Variants in NPC1 observed in about 807,000 individuals in gnomAD.
The protein encoded by NPC1 is Niemann-Pick C1 protein.
NPC1 carries 85 observed loss-of-function variants against 140.4 expected under a neutral mutation model. The observed-to-expected ratio is 0.61, with a 90% CI of 0.51 to 0.72. NPC1 has a LOEUF of 0.72. Among genes scored for constraint, NPC1 ranks in the 30% least tolerant of loss-of-function variants. The pLI, the probability that NPC1 is intolerant of heterozygous loss-of-function variation, is 0.00. For missense variants in NPC1, 1,504 were observed against 1,623.8 expected, an observed-to-expected ratio of 0.93 and a Z score of 1.27; for synonymous variants, 656 against 624.8, an observed-to-expected ratio of 1.05 and a Z score of -0.74.
At chr18:23,511,817 A>G (rs1317666418) in intron 3 of NPC1, among the ~76,000 whole-genome samples, 1 of 152,158 alleles carries the variant, frequency 6.6e-6, no homozygotes, top group Non-Finnish European at 1.5e-5. Context: ...CTTCAGTAAC[A>G]TGCTTGTACA....
chr18:23,535,624 C>T lies in NPC1; in HGVS notation c.3322G>A (p.Ala1108Thr), dbSNP rs752676141. 23 of 1,613,976 alleles carry T rather than the reference C, an allele frequency of 1.4e-5. 1 individual carries two copies. The highest frequency in any genetic ancestry group is 9.9e-5 in the South Asian group (9 of 91,074). Residue 1108 changes from alanine (A) to threonine (T), a missense_variant, in exon 22 of 25, where the codon GCG becomes ACG. Physicochemically the swap from Ala to Thr is moderately conservative, Grantham distance 58 (BLOSUM62 0). Transcript: ENST00000269228. The part of the protein sequence containing the change: ...TIFNLGVSLG[A>T]IFLVTMVLLG... ...AGGACCATGGTCACCAGAAATATCGCGCCCAGGGACACACCGAGGTTGAAG... is the reference window on the plus strand; with the variant it reads ...AGGACCATGGTCACCAGAAATATCGTGCCCAGGGACACACCGAGGTTGAAG...
chr18:23,543,353 A>C (rs1272260036), intron 14 of NPC1, 102 bp downstream of exon 14: 1 of 727,052 alleles, frequency 1.4e-6, no homozygotes, highest in Non-Finnish European at 2.4e-6. Context: ...AAAAGAAAAA[A>C]AAAAAAAGGA....
At chr18:23,515,937 G>A (rs1265896597) in intron 3 of NPC1, 6 of 1,614,094 alleles carry the variant, frequency 3.7e-6, no homozygotes, top group African/African-American at 2.7e-5. Context: ...CCCCGAGAGC[G>A]CCGTGATCTT....
Position 23,561,419 on chromosome 18 carries a change from T to G in NPC1, c.572A>C (p.Glu191Ala). The change falls in exon 5 of 25, where the codon GAA becomes GCA. Residue 191 changes from glutamate to alanine, a missense_variant. Glu to Ala is a moderately radical substitution (Grantham distance 107). Transcript: ENST00000269228. ...ADACNATNWI[E>A]YMFNKDNGQA... ...TCCATTGTCCTTATTGAACATGTAT[T>G]CAATCCAGTTGGTGGCATTACAGGC... 2.5e-6 allele frequency: 4 copies of G among 1,614,210 alleles called. No homozygotes were observed. The highest frequency in any genetic ancestry group is 3.4e-6 in the Non-Finnish European group (4 of 1,180,032).
Position 23,568,882 on chromosome 18 carries a change from T to C in NPC1, c.404A>G (p.Asn135Ser), listed in dbSNP as rs1198731697. 6.2e-7 allele frequency: 1 copy of C among 1,614,004 alleles called. No homozygotes were observed. The highest frequency in any genetic ancestry group is 8.5e-7 in the Non-Finnish European group (1 of 1,179,958). ...CTCTTTCACATTTGTTTTCGTCTGG[T>C]TTGTAACAGGATCAACATAATCTTC... ...ATEDYVDPVTNQTKTNVKELQ... is the reference protein window; with the variant it reads ...ATEDYVDPVTSQTKTNVKELQ... The change falls in exon 4 of 25, where the codon AAC becomes AGC. Residue 135 changes from asparagine to serine, a missense_variant. Asn to Ser is a conservative substitution (Grantham distance 46). Transcript: ENST00000269228.
intron 23 of NPC1, 147 bp from the exon 24 acceptor site, chr18:23,533,664 A>C: frequency 1.3e-6 from 1 of 745,532 alleles, no homozygotes. Flanking sequence ...GCACGCCACC[A>C]TGCCTGGCTA....
At chr18:23,557,571 A>G (rs369065171) in intron 6 of NPC1, among the ~76,000 whole-genome samples, 162 of 152,326 alleles carry the variant, frequency 1.1e-3, no homozygotes, top group African/African-American at 3.8e-3. Context: ...CCTGGCCAAC[A>G]TGGTGAAACC....
chr18:23,523,658 G>A (rs1409096351), intron 1 of NPC1, among the ~76,000 whole-genome samples: 1 of 151,848 alleles, frequency 6.6e-6, no homozygotes, highest in African/African-American at 2.4e-5. Context: ...AGGAGTTCGT[G>A]GTTATAGTGG....
At chr18:23,536,918 C>CA in intron 20 of NPC1, 42 bp from the exon 21 acceptor site, 1 of 1,534,862 alleles carries the variant, frequency 6.5e-7, no homozygotes, top group Non-Finnish European at 9.0e-7. Flanking sequence ...CCAGGTCTTG[C>CA]AAAATATCAG....
chr18:23,532,199 G>C lies in NPC1; in HGVS notation c.*3C>G. 6.2e-7 allele frequency: 1 copy of C among 1,614,094 alleles called. No individual in the cohort carries two copies. Among genetic ancestry groups the C allele is most frequent in the Non-Finnish European group, 8.5e-7 (1 of 1,180,032 alleles). ...AGTTCAGTCAGGATGCCCTGCGAGA[G>C]GGCTAGAAATTTAGAAGCCGTTCGC... On this transcript the variant is annotated 3_prime_UTR_variant, in exon 25 of 25. Coordinates refer to ENST00000269228, the MANE Select transcript of NPC1 (RefSeq NM_000271.5).
At chr18:23,541,018 A>C in intron 16 of NPC1, 50 bp downstream of exon 16, 1 of 1,601,420 alleles carries the variant, frequency 6.2e-7, no homozygotes, top group Non-Finnish European at 8.6e-7. Flanking sequence ...AAGGCATGTG[A>C]TAATCTGTTT....
At chr18:23,533,052 GGA>G in intron 24 of NPC1, 1 of 830,286 alleles carries the variant, frequency 1.2e-6, no homozygotes, top group Non-Finnish European at 1.6e-6. Context: ...TCAGTGGCAG[GGA>G]GGAGCTGCCC....
chr18:23,529,429 C>A (rs1203358554), downstream of NPC1: 2 of 1,413,568 alleles, frequency 1.4e-6, no homozygotes, highest in African/African-American at 2.9e-5. Flanking sequence ...TTGGGTGAGG[C>A]CCTAGAGCTG....
At chr18:23,549,731 T>C (rs952590112) in intron 10 of NPC1, among the ~76,000 whole-genome samples, 7 of 151,978 alleles carry the variant, frequency 4.6e-5, no homozygotes, top group Non-Finnish European at 8.8e-5. Flanking sequence ...TTGTTGATCT[T>C]TTTTTCACAA....
intron 4 of NPC1, among the ~76,000 whole-genome samples, chr18:23,564,204 G>A (rs902352863): frequency 7.9e-5 from 12 of 151,632 alleles, no homozygotes; most frequent in African/African-American, 2.2e-4. Flanking sequence ...GGCTGGTCTC[G>A]AACTCCTGAC....
downstream of NPC1, chr18:23,520,246 C>T: frequency 6.2e-7 from 1 of 1,614,140 alleles, no homozygotes; most frequent in Non-Finnish European, 8.5e-7. Context: ...AGTTTGACGG[C>T]TCCGTTACCT....
chr18:23,527,150 G>A, downstream of NPC1, among the ~76,000 whole-genome samples: 1 of 140,752 alleles, frequency 7.1e-6, no homozygotes, highest in East Asian at 2.1e-4. Flanking sequence ...CTGGGAGGCT[G>A]AAGCAGGAGG....
rs1010608252 is a variant in NPC1 at position 23,532,001 on chromosome 18, G to A, written c.*201C>T. On this transcript the variant is annotated 3_prime_UTR_variant, in exon 25 of 25. Transcript: ENST00000269228. ...GCTGGGAGAAGTTTAGTGTCCTGTG[G>A]TTGCCTCCAGATCTAGTAATACTGC... is the stretch of plus-strand genomic sequence containing the variant. 2.0e-6 allele frequency: 3 copies of A among 1,481,116 alleles called. No homozygotes were observed. Among genetic ancestry groups the A allele is most frequent in the Admixed American group, 2.3e-5 (1 of 43,314 alleles). 91.7% of individuals were successfully genotyped at this position (1,481,116 alleles called of 1,614,324 possible). A position where few individuals can be genotyped will look rare whatever the true frequency, so the allele number is the denominator to read the frequency against.
At chr18:23,548,716 T>G (rs1478184541) in intron 10 of NPC1, among the ~76,000 whole-genome samples, 3 of 152,220 alleles carry the variant, frequency 2.0e-5, no homozygotes, top group African/African-American at 7.2e-5. Context: ...TATTACAAAG[T>G]TACTATAAAT....
Sources: gnomAD v4.1 joint callset for allele counts (sites outside exome capture counted in the v4.1 genomes callset) on GRCh38, gnomAD v4.1.1 for gene constraint, MANE v1.5 for transcripts, NCBI Gene and HGNC (gene_info 2026-07-23, HGNC 2026-07-21) for gene names.